Variants in LGR6 observed in about 807,000 individuals in gnomAD.
The protein encoded by LGR6 is leucine rich repeat containing G protein-coupled receptor 6.
Under a neutral mutation model 69.4 loss-of-function variants are expected in LGR6, and 45 were observed. That is an observed-to-expected ratio of 0.65 (90% CI 0.51 to 0.83). The LOEUF (loss-of-function observed/expected upper bound fraction) is 0.83. LGR6 is among the 40% of genes least tolerant of loss of function. The probability of loss-of-function intolerance (pLI) is 0.00; values close to 1 mark genes in which losing one functional copy is unlikely to be tolerated. For missense variants in LGR6, 1,108 were observed against 1,246.7 expected (o/e 0.89, Z 1.68); for synonymous variants, 538 against 555.0 (o/e 0.97, Z 0.43).
At chr1:202,251,677 C>T (rs1027962139) in intron 4 of LGR6, among the ~76,000 whole-genome samples, 9 of 152,206 alleles carry the variant, frequency 5.9e-5, no homozygotes, top group African/African-American at 1.4e-4. Flanking sequence ...CCTTTGGGGC[C>T]AATGCAGCTG....
chr1:202,201,345 C>T (rs1658828897), intron 1 of LGR6, among the ~76,000 whole-genome samples: 1 of 152,220 alleles, frequency 6.6e-6, no homozygotes, highest in Non-Finnish European at 1.5e-5. Context: ...ACCCTGATGT[C>T]TCTTCCTTTA....
chr1:202,295,082 C>T (rs1395832596), intron 6 of LGR6, among the ~76,000 whole-genome samples: 2 of 152,044 alleles, frequency 1.3e-5, no homozygotes, highest in East Asian at 3.9e-4. Flanking sequence ...AATCCCAGCA[C>T]TTTGGGTGGC....
At position 202,213,335 on chromosome 1, in the gene LGR6, G is replaced by A. The variant is rs530442508; in HGVS notation, c.213-12088G>A. 2.0e-5 allele frequency among the ~76,000 whole-genome samples: 3 copies of A among 152,294 alleles called. No homozygotes were observed. The South Asian group carries it at 6.2e-4, about 32-fold the overall frequency. Reference sequence around the variant, plus strand: ...GTCTTAGTTACACACACAACACAGGGGAGGGAGGAAGGAGCTTGGGGCAAA... The same window carrying A: ...GTCTTAGTTACACACACAACACAGGAGAGGGAGGAAGGAGCTTGGGGCAAA... On this transcript the variant is annotated intron_variant, in intron 1 of 17. Coordinates refer to ENST00000367278, the MANE Select transcript of LGR6 (RefSeq NM_001017403.2).
At chr1:202,299,665 T>G (rs1667435629) in intron 7 of LGR6, among the ~76,000 whole-genome samples, 1 of 152,080 alleles carries the variant, frequency 6.6e-6, no homozygotes, top group South Asian at 2.1e-4. Context: ...AATAAATTAA[T>G]GAACAAACAG....
intron 7 of LGR6, among the ~76,000 whole-genome samples, chr1:202,299,817 C>T (rs902987479): frequency 3.3e-5 from 5 of 152,174 alleles, no homozygotes; most frequent in African/African-American, 1.2e-4. Flanking sequence ...CAGAAACTTC[C>T]AAAGAAAAAG....
At chr1:202,198,749 G>T (rs557785950) in intron 1 of LGR6, among the ~76,000 whole-genome samples, 2 of 148,914 alleles carry the variant, frequency 1.3e-5, no homozygotes, top group East Asian at 4.0e-4. Flanking sequence ...GATGGAAGAC[G>T]CCAGCATGCT....
intron 6 of LGR6, among the ~76,000 whole-genome samples, chr1:202,296,647 C>A (rs1435372589): frequency 6.6e-6 from 1 of 152,172 alleles, no homozygotes; most frequent in Non-Finnish European, 1.5e-5. Context: ...ACAAAAGGCA[C>A]GGACACAGAA....
Position 202,283,089 on chromosome 1 carries a change from G to T in LGR6, c.716+2237G>T, listed in dbSNP as rs116402002. Among the ~76,000 whole-genome samples the T allele has an allele frequency of 7.3e-3, 1,116 of 152,290 alleles. 12 individuals carry two copies. The highest frequency in any genetic ancestry group is 0.025 in the African/African-American group (1,055 of 41,542). On this transcript the variant is annotated intron_variant, in intron 6 of 17. Coordinates refer to ENST00000367278, the MANE Select transcript of LGR6 (RefSeq NM_001017403.2). The stretch of plus-strand genomic sequence containing the variant: ...ATAGTTAACTAATCTTACAGGGTTG[G>T]CCTGTGGATTAAGTGAGATGATGTG...
At chr1:202,283,914 G>T (rs1007608237) in intron 6 of LGR6, among the ~76,000 whole-genome samples, 20 of 152,220 alleles carry the variant, frequency 1.3e-4, no homozygotes, top group African/African-American at 4.8e-4. Flanking sequence ...CTGCAAGCTG[G>T]GTCAGCCAGA....
rs60376943 is a variant in LGR6, at chr1:202,238,412, CTTTT to C, written c.428+2442_428+2445del. ...GTAAGCCACTGTGCCCAGCCTGATCCTTTTTTTTTTTTTTTTTTTTTTTTTTAAG... is the reference window on the plus strand; with the variant it reads ...GTAAGCCACTGTGCCCAGCCTGATCCTTTTTTTTTTTTTTTTTTTTTTAAG... On this transcript the variant is annotated intron_variant, in intron 4 of 17. Transcript: ENST00000367278. Among the ~76,000 whole-genome samples the C allele has an allele frequency of 7.4e-3, 622 of 83,972 alleles. 11 individuals carry two copies. Among genetic ancestry groups the C allele is most frequent in the African/African-American group, 0.025 (564 of 22,232 alleles). The allele number at this position is 83,972 out of a possible 152,430, so 55.1% of individuals were successfully genotyped here.
chr1:202,285,769 T>C (rs1428192082), intron 6 of LGR6, among the ~76,000 whole-genome samples: 2 of 152,212 alleles, frequency 1.3e-5, no homozygotes, highest in Non-Finnish European at 2.9e-5. Flanking sequence ...ACTGTGTTAA[T>C]TTCCTGTGGC....
chr1:202,251,127 G>C (rs1374631443), intron 4 of LGR6, among the ~76,000 whole-genome samples: 3 of 152,116 alleles, frequency 2.0e-5, no homozygotes, highest in Non-Finnish European at 4.4e-5. Flanking sequence ...ACAGATGACG[G>C]CCTGATATAG....
intron 10 of LGR6, among the ~76,000 whole-genome samples, chr1:202,304,118 A>T (rs1667804322): frequency 6.6e-6 from 1 of 151,994 alleles, no homozygotes; most frequent in Non-Finnish European, 1.5e-5. Flanking sequence ...AGGCACAGGG[A>T]CCAAACTCTG....
At chr1:202,250,474 TG>T (rs1173184702) in intron 4 of LGR6, among the ~76,000 whole-genome samples, 1 of 152,004 alleles carries the variant, frequency 6.6e-6, no homozygotes, top group Non-Finnish European at 1.5e-5. Context: ...GGTGCAGTCT[TG>T]GCTCACCGCA....
chr1:202,287,305 G>C (rs917402495), intron 6 of LGR6, among the ~76,000 whole-genome samples: 1 of 152,018 alleles, frequency 6.6e-6, no homozygotes, highest in Admixed American at 6.6e-5. Context: ...GAGACTAAAG[G>C]GTTCTAGATC....
intron 4 of LGR6, among the ~76,000 whole-genome samples, chr1:202,262,748 T>C (rs1212671090): frequency 6.6e-6 from 1 of 152,186 alleles, no homozygotes; most frequent in Non-Finnish European, 1.5e-5. Flanking sequence ...TGTCCTTTTA[T>C]TCTGACTTCA....
At chr1:202,289,764 GA>G in intron 6 of LGR6, among the ~76,000 whole-genome samples, 1 of 152,314 alleles carries the variant, frequency 6.6e-6, no homozygotes, top group East Asian at 1.9e-4. Context: ...TGCAGTATGA[GA>G]AAAGCAATTA....
chr1:202,312,915 C>A (rs1273766970), intron 16 of LGR6, among the ~76,000 whole-genome samples: 1 of 152,076 alleles, frequency 6.6e-6, no homozygotes, highest in Admixed American at 6.5e-5. Flanking sequence ...TTGAGAAACA[C>A]TGCAAAAGTG....
At chr1:202,267,702 T>G (rs1664781227) in intron 4 of LGR6, among the ~76,000 whole-genome samples, 1 of 152,158 alleles carries the variant, frequency 6.6e-6, no homozygotes, top group Admixed American at 6.5e-5. Flanking sequence ...ATTAGCTCCT[T>G]CTCAATATAA....
Sources: gnomAD v4.1 joint callset for allele counts (sites outside exome capture counted in the v4.1 genomes callset) on GRCh38, gnomAD v4.1.1 for gene constraint, MANE v1.5 for transcripts, NCBI Gene and HGNC (gene_info 2026-07-23, HGNC 2026-07-21) for gene names.